The following RAB11FIP3 variants were observed in gnomAD, a reference collection of about 807,000 sequenced individuals.
RAB11FIP3 encodes rab11 family-interacting protein 3.
Under a neutral mutation model 77.8 loss-of-function variants are expected in RAB11FIP3, and 17 were observed. The observed-to-expected ratio is 0.22, with a 90% CI of 0.15 to 0.33. The LOEUF is 0.33. Ranked by LOEUF, RAB11FIP3 falls within the 10% of genes least tolerant of loss-of-function variation. The pLI is 1.00. For synonymous variants in RAB11FIP3, 437 were observed against 448.2 expected (o/e 0.98, Z 0.31); for missense variants, 1,005 against 1,011.2 (o/e 0.99, Z 0.08).
At chr16:463,430 GTTTTTTTTTTTT>G (rs142875972) in intron 2 of RAB11FIP3, among the ~76,000 whole-genome samples, 1 of 82,260 alleles carries the variant, frequency 1.2e-5, no homozygotes, top group Non-Finnish European at 2.3e-5. Context: ...TTGTTCCCCG[GTTTTTTTTTTTT>G]TTTTTTTTTT....
intron 3 of RAB11FIP3, chr16:474,990 G>A (rs761452688): frequency 1.1e-5 from 17 of 1,551,582 alleles, no homozygotes; most frequent in Middle Eastern, 1.7e-4. Context: ...CCAGTGACCC[G>A]GTTGGGACGG....
rs762211544 is a variant in RAB11FIP3, at chr16:488,894, G to A, written c.1159G>A (p.Glu387Lys). ...GQSVITVIGG[E>K]EHFEDYGEGS... is the part of the protein sequence containing the mutation. The stretch of plus-strand genomic sequence containing the variant: ...GTCTGTCATCACGGTGATCGGGGGC[G>A]AGGAGCACTTTGAGGACTACGGTGA... Residue 387 changes from glutamate to lysine, a missense_variant, in exon 5 of 14, where the codon GAG (glutamate) becomes AAG (lysine). By Grantham distance (56) the Glu-to-Lys change is moderately conservative. This residue lies in a region of RAB11FIP3 where 433 missense variants were observed against 436.1 expected (regional missense o/e 0.99). Coordinates refer to ENST00000262305, the MANE Select transcript of RAB11FIP3 (RefSeq NM_014700.4). 40 of 1,613,824 alleles carry A rather than the reference G, an allele frequency of 2.5e-5. No individual in the cohort carries two copies. The highest frequency in any genetic ancestry group is 4.5e-5 in the East Asian group (2 of 44,882).
intron 6 of RAB11FIP3, 55 bp downstream of exon 6, chr16:496,914 T>C (rs1317529955): frequency 1.4e-6 from 2 of 1,462,354 alleles, no homozygotes; most frequent in Non-Finnish European, 1.9e-6. Flanking sequence ...TAATTAATCA[T>C]AGTTTTTTAA....
At chr16:485,688 G>A (rs948891290) in intron 4 of RAB11FIP3, among the ~76,000 whole-genome samples, 2 of 152,232 alleles carry the variant, frequency 1.3e-5, no homozygotes, top group African/African-American at 4.8e-5. Flanking sequence ...TGGGATTACA[G>A]GCATGAGCCA....
chr16:492,501 A>AGGCCGCCCAGGGCCCTTCCCGG lies in RAB11FIP3; in HGVS notation c.1265+3517_1265+3518insTCCCGGGGCCGCCCAGGGCCCT, dbSNP rs2030617210. Among the ~76,000 whole-genome samples the AGGCCGCCCAGGGCCCTTCCCGG allele has an allele frequency of 2.8e-5, 3 of 106,324 alleles. No homozygotes were observed. In the Admixed American group the frequency reaches 2.9e-4, roughly 10 times the overall value. 69.8% of individuals were successfully genotyped at this position (106,324 alleles called of 152,430 possible). On this transcript the variant is annotated intron_variant, in intron 5 of 13. Coordinates refer to ENST00000262305, the MANE Select transcript of RAB11FIP3 (RefSeq NM_014700.4). ...GCCCAGGGCCCTCCCGGGAGACCCGAGGCCGCCCAGGGCCCTCCCGGGAGA... is the reference window on the plus strand; with the variant it reads ...GCCCAGGGCCCTCCCGGGAGACCCGAGGCCGCCCAGGGCCCTTCCCGGGGCCGCCCAGGGCCCTCCCGGGAGA...
At chr16:488,535 A>G (rs2056207969) in intron 4 of RAB11FIP3, among the ~76,000 whole-genome samples, 1 of 151,912 alleles carries the variant, frequency 6.6e-6, no homozygotes, top group Non-Finnish European at 1.5e-5. Flanking sequence ...CAGCCTCCCG[A>G]GTACCTGGGA....
At chr16:497,086 C>G in intron 6 of RAB11FIP3, 1 of 557,358 alleles carries the variant, frequency 1.8e-6, no homozygotes, top group Non-Finnish European at 2.9e-6. Flanking sequence ...CGTGTCAGAG[C>G]TTTTGGTGCT....
chr16:455,835 T>C (rs2055494508), intron 1 of RAB11FIP3, among the ~76,000 whole-genome samples: 1 of 152,096 alleles, frequency 6.6e-6, no homozygotes, highest in Non-Finnish European at 1.5e-5. Flanking sequence ...AAGTGATCCA[T>C]CCGCCTTGGC....
intron 1 of RAB11FIP3, among the ~76,000 whole-genome samples, chr16:453,020 C>T (rs1334201365): frequency 8.9e-5 from 5 of 56,236 alleles, no homozygotes; most frequent in South Asian, 1.2e-3. Flanking sequence ...TCCCAAAGTG[C>T]TGGGATTACA....
intron 1 of RAB11FIP3, among the ~76,000 whole-genome samples, chr16:458,889 C>A (rs1230686574): frequency 6.6e-6 from 1 of 152,168 alleles, no homozygotes; most frequent in Non-Finnish European, 1.5e-5. Flanking sequence ...AGAGTTCAAA[C>A]CCATATGAAA....
chr16:472,301 C>G lies in RAB11FIP3; in HGVS notation c.903+912C>G, dbSNP rs1293464456. 6.6e-6 allele frequency among the ~76,000 whole-genome samples: 1 copy of G among 152,236 alleles called. No individual in the cohort carries two copies. The highest frequency in any genetic ancestry group is 1.9e-4 in the East Asian group (1 of 5,190). On this transcript the variant is annotated intron_variant, in intron 3 of 13. Coordinates refer to ENST00000262305, the MANE Select transcript of RAB11FIP3 (RefSeq NM_014700.4). This position sits in a 1 kb window ranked among gnomAD's most constrained non-coding sequence, Gnocchi z 4.1. The stretch of plus-strand genomic sequence containing the variant: ...AGCTTAACTTCTGCCCACACAGACC[C>G]TGGGGGTGGTTCTGCCTTACGGCGG...
intron 1 of RAB11FIP3, among the ~76,000 whole-genome samples, chr16:428,176 G>C (rs1200143486): frequency 6.6e-6 from 1 of 152,058 alleles, no homozygotes; most frequent in Non-Finnish European, 1.5e-5. Flanking sequence ...TTCACATTAA[G>C]AAGATGTGCA....
chr16:482,369 A>G (rs1457623380), intron 3 of RAB11FIP3, 156 bp from the exon 4 acceptor site: 32 of 761,516 alleles, frequency 4.2e-5, no homozygotes, highest in East Asian at 1.1e-4. Context: ...ATTGTGTTTT[A>G]TAAGTAATGT....
chr16:485,537 C>T (rs2056136843), intron 4 of RAB11FIP3, among the ~76,000 whole-genome samples: 1 of 151,898 alleles, frequency 6.6e-6, no homozygotes, highest in Non-Finnish European at 1.5e-5. Flanking sequence ...CTCAGCCTCC[C>T]AGGTAGCTGG....
At chr16:427,954 A>C (rs2054978115) in intron 1 of RAB11FIP3, among the ~76,000 whole-genome samples, 1 of 152,044 alleles carries the variant, frequency 6.6e-6, no homozygotes, top group Non-Finnish European at 1.5e-5. Flanking sequence ...CAAAAAAATT[A>C]GTCGGGCGTG....
Position 519,104 on chromosome 16 carries a change from GC to G in RAB11FIP3, c.1722+81del. ...TGTGGGGCAGCTGAGGTAGCCCTGA[GC>G]TCTGTGCTGAGCGGGATACTGTGCT... On this transcript the variant is annotated intron_variant, in intron 10 of 13. Coordinates refer to ENST00000262305, the MANE Select transcript of RAB11FIP3 (RefSeq NM_014700.4). 2.1e-6 allele frequency: 3 copies of G among 1,437,350 alleles called. No individual in the cohort carries two copies. The Admixed American group carries it at 5.0e-5, about 24-fold the overall frequency. The allele number at this position is 1,437,350 out of a possible 1,614,324, so 89.0% of individuals were successfully genotyped here. A position where few individuals can be genotyped will look rare whatever the true frequency, so the allele number is the denominator to read the frequency against.
intron 5 of RAB11FIP3, among the ~76,000 whole-genome samples, chr16:490,915 C>T (rs2030121387): frequency 6.6e-6 from 1 of 152,210 alleles, no homozygotes; most frequent in African/African-American, 2.4e-5. Context: ...CCCCCTGAGG[C>T]TCGAGCTGGT....
intron 2 of RAB11FIP3, among the ~76,000 whole-genome samples, chr16:464,452 C>G (rs983194544): frequency 6.6e-6 from 1 of 152,182 alleles, no homozygotes; most frequent in Non-Finnish European, 1.5e-5. Context: ...GGTCCTCCCT[C>G]CAGGCCTTCT....
At position 431,118 on chromosome 16, in the gene RAB11FIP3, G is replaced by A. The variant is rs555941673; in HGVS notation, c.714+4398G>A. Among the ~76,000 whole-genome samples the A allele has an allele frequency of 5.5e-4, 84 of 152,264 alleles. 1 individual carries two copies. Among genetic ancestry groups the A allele is most frequent in the Middle Eastern group, 3.4e-3 (1 of 294 alleles). On this transcript the variant is annotated intron_variant, in intron 1 of 13. Transcript: ENST00000262305. Reference sequence around the variant, plus strand: ...TACATATGTGAGCTGGTGTGTGTGTGTGTAATATGTGTGTGCGGTGAGATG... The same window carrying A: ...TACATATGTGAGCTGGTGTGTGTGTATGTAATATGTGTGTGCGGTGAGATG...
Sources: allele counts gnomAD v4.1 joint callset (sites outside exome capture counted in the v4.1 genomes callset), GRCh38; gene constraint gnomAD v4.1.1; regional missense constraint gnomAD v4.1.1; non-coding constraint Gnocchi (gnomAD v3.1); transcripts MANE v1.5; gene names NCBI Gene and HGNC (gene_info 2026-07-23, HGNC 2026-07-21).